Variants in SGCZ observed in about 807,000 individuals in gnomAD.
SGCZ encodes the protein zeta-sarcoglycan.
SGCZ carries 40 observed loss-of-function variants against 41.3 expected under a neutral mutation model. The ratio of observed to expected loss-of-function variants is 0.97; its 90% CI spans 0.75 to 1.26. SGCZ has a LOEUF of 1.26. Among genes scored for constraint, SGCZ ranks in the 50% most tolerant of loss-of-function variants. The pLI is 0.00. For synonymous variants in SGCZ, 206 were observed against 137.5 expected, an observed-to-expected ratio of 1.50 and a Z score of -3.49; for missense variants, 552 against 369.8, an observed-to-expected ratio of 1.49 and a Z score of -4.04.
At chr8:14,844,086 T>C (rs905539536) in intron 1 of SGCZ, among the ~76,000 whole-genome samples, 21 of 152,018 alleles carry the variant, frequency 1.4e-4, no homozygotes, top group African/African-American at 5.1e-4. Flanking sequence ...AGTTGACCCT[T>C]GGTATTCATG....
intron 1 of SGCZ, among the ~76,000 whole-genome samples, chr8:14,598,143 T>G (rs1805472245): frequency 6.6e-6 from 1 of 152,156 alleles, no homozygotes; most frequent in African/African-American, 2.4e-5. Context: ...TTCTTTACAC[T>G]TGGAAGAAGG....
intron 1 of SGCZ, among the ~76,000 whole-genome samples, chr8:14,816,497 C>A (rs1283258792): frequency 6.6e-6 from 1 of 152,088 alleles, no homozygotes; most frequent in East Asian, 1.9e-4. Flanking sequence ...CTGTGAAATT[C>A]AACTTTCTGT....
intron 1 of SGCZ, among the ~76,000 whole-genome samples, chr8:14,741,817 C>T (rs1001007144): frequency 3.3e-5 from 5 of 152,052 alleles, no homozygotes; most frequent in African/African-American, 4.8e-5. Context: ...ACAATTATGT[C>T]GGTAAAGCTT....
chr8:14,189,149 G>A (rs762392643), intron 4 of SGCZ, among the ~76,000 whole-genome samples: 33 of 151,980 alleles, frequency 2.2e-4, no homozygotes, highest in Non-Finnish European at 3.8e-4. Flanking sequence ...GTGAGCCACT[G>A]CACCTGGCCC....
At chr8:14,909,601 G>C (rs931535976) in intron 1 of SGCZ, among the ~76,000 whole-genome samples, 2 of 151,912 alleles carry the variant, frequency 1.3e-5, no homozygotes, top group Admixed American at 1.3e-4. Flanking sequence ...CTTTCAATAA[G>C]TTTAACATAA....
intron 1 of SGCZ, among the ~76,000 whole-genome samples, chr8:15,204,847 C>A (rs1375302113): frequency 6.6e-6 from 1 of 152,158 alleles, no homozygotes; most frequent in Non-Finnish European, 1.5e-5. Context: ...GAGAGGGGAA[C>A]TATCTGTAGA....
At chr8:14,506,696 A>T (rs1048509166) in intron 2 of SGCZ, among the ~76,000 whole-genome samples, 4 of 152,140 alleles carry the variant, frequency 2.6e-5, no homozygotes, top group Non-Finnish European at 2.9e-5. Flanking sequence ...GCTGTGATCA[A>T]GGATATCAAT....
At chr8:14,554,620 C>T (rs1161787741) in intron 2 of SGCZ, 112 bp downstream of exon 2, 1 of 885,320 alleles carries the variant, frequency 1.1e-6, no homozygotes, top group Non-Finnish European at 1.7e-6. Context: ...GATTTAAAAA[C>T]ACACACTTGT....
At chr8:14,151,197 G>T (rs1406109070) in intron 5 of SGCZ, among the ~76,000 whole-genome samples, 1 of 151,910 alleles carries the variant, frequency 6.6e-6, no homozygotes, top group Non-Finnish European at 1.5e-5. Context: ...ATAACTCAAA[G>T]GATAAATCCT....
In SGCZ at chr8:14,216,643, A is replaced by G. The variant is rs529090400; in HGVS notation, c.424+20949T>C. Among the ~76,000 whole-genome samples, 6 of 152,284 alleles carry G rather than the reference A, an allele frequency of 3.9e-5. No homozygotes were observed. In the South Asian group the frequency reaches 1.2e-3, roughly 32 times the overall value. ...ACCAATTAACAAAGACAAATTATAC[A>G]ATCACATTAACGGATCCAGAAAAAT... On this transcript the variant is annotated intron_variant, in intron 4 of 7. Coordinates refer to ENST00000382080, the MANE Select transcript of SGCZ (RefSeq NM_139167.4).
intron 1 of SGCZ, among the ~76,000 whole-genome samples, chr8:15,009,364 A>G (rs1585468100): frequency 6.6e-6 from 1 of 152,248 alleles, no homozygotes; most frequent in South Asian, 2.1e-4. Context: ...ATCTGCCCCC[A>G]TGACCCAATC....
intron 1 of SGCZ, among the ~76,000 whole-genome samples, chr8:15,161,005 T>C (rs888496106): frequency 3.3e-5 from 5 of 152,134 alleles, no homozygotes; most frequent in African/African-American, 9.7e-5. Flanking sequence ...CTTTTCATCT[T>C]AAGTCAAATC....
intron 7 of SGCZ, among the ~76,000 whole-genome samples, chr8:14,096,157 G>A (rs1338542729): frequency 6.6e-6 from 1 of 152,146 alleles, no homozygotes; most frequent in Non-Finnish European, 1.5e-5. Context: ...GGGGTGGGAA[G>A]AGAGGGCATC....
chr8:15,158,034 G>A (rs1345194766), intron 1 of SGCZ, among the ~76,000 whole-genome samples: 1 of 151,916 alleles, frequency 6.6e-6, no homozygotes, highest in Non-Finnish European at 1.5e-5. Flanking sequence ...CCATGCACTT[G>A]CCTCTCACCA....
chr8:15,128,662 T>C (rs540762965), intron 1 of SGCZ, among the ~76,000 whole-genome samples: 1 of 152,294 alleles, frequency 6.6e-6, no homozygotes, highest in South Asian at 2.1e-4. Context: ...TAGTTTGTGT[T>C]CTGTGAAATG....
intron 1 of SGCZ, among the ~76,000 whole-genome samples, chr8:15,085,749 C>T (rs551710033): frequency 4.7e-4 from 71 of 152,260 alleles, no homozygotes; most frequent in African/African-American, 1.6e-3. Context: ...CACACATCTA[C>T]GCTAGATATG....
chr8:14,420,032 T>A (rs1799597695), intron 2 of SGCZ, among the ~76,000 whole-genome samples: 1 of 152,118 alleles, frequency 6.6e-6, no homozygotes, highest in Non-Finnish European at 1.5e-5. Context: ...CTGTTAACGA[T>A]CCTTTCCAGT....
chr8:15,114,270 T>A (rs1450343293), intron 1 of SGCZ, among the ~76,000 whole-genome samples: 1 of 152,124 alleles, frequency 6.6e-6, no homozygotes, highest in Non-Finnish European at 1.5e-5. Flanking sequence ...TATATTTGAG[T>A]TCCTGTCTTT....
chr8:14,284,016 A>C (rs1455693564), intron 3 of SGCZ, among the ~76,000 whole-genome samples: 1 of 152,176 alleles, frequency 6.6e-6, no homozygotes, highest in East Asian at 1.9e-4. Flanking sequence ...TAAATTTAAG[A>C]TTTCTTAATC....
Sources: allele counts gnomAD v4.1 joint callset (sites outside exome capture counted in the v4.1 genomes callset), GRCh38; gene constraint gnomAD v4.1.1; transcripts MANE v1.5; gene names NCBI Gene and HGNC (gene_info 2026-07-23, HGNC 2026-07-21).